The following FAM114A1 variants were observed in gnomAD, a reference collection of about 807,000 sequenced individuals.
The protein encoded by FAM114A1 is protein NOXP20.
FAM114A1 carries 62 observed loss-of-function variants against 64.3 expected under a neutral mutation model. The ratio of observed to expected loss-of-function variants is 0.96; its 90% CI spans 0.79 to 1.19. FAM114A1 has a LOEUF of 1.19. Among genes scored for constraint, FAM114A1 ranks in the 50% most tolerant of loss-of-function variants. The pLI, the probability that FAM114A1 is intolerant of heterozygous loss-of-function variation, is 0.00. For missense variants in FAM114A1, 645 were observed against 676.3 expected (o/e 0.95, Z 0.51); for synonymous variants, 254 against 251.1 (o/e 1.01, Z -0.11).
At chr4:38,871,384 C>T (rs570761595) in intron 2 of FAM114A1, among the ~76,000 whole-genome samples, 7 of 151,516 alleles carry the variant, frequency 4.6e-5, no homozygotes, top group South Asian at 2.1e-4. Context: ...TATGCCTGAC[C>T]GATGACCATT....
chr4:38,920,512 A>G (rs114938620), intron 8 of FAM114A1, among the ~76,000 whole-genome samples: 3,950 of 152,296 alleles, frequency 0.026, 159 homozygotes, highest in African/African-American at 0.089. Context: ...GAGAGATGCT[A>G]TAGTGGAAAG....
rs1018110269 is a variant in FAM114A1, at chr4:38,905,826, A to G, written c.622A>G (p.Met208Val). ...PTSPSSASRGMLSAITNVVQN... is the reference protein window; with the variant it reads ...PTSPSSASRGVLSAITNVVQN... ...TTCCCCTTCATCAGCCTCTCGGGGT[A>G]TGCTGTCTGCCATCACCAATGTGGT... The change falls in exon 6 of 15, where the codon ATG (methionine) becomes GTG (valine). Residue 208 changes from methionine to valine, a missense_variant. Met to Val is a conservative substitution (Grantham distance 21). Coordinates refer to ENST00000358869, the MANE Select transcript of FAM114A1 (RefSeq NM_138389.4). The G allele has an allele frequency of 6.2e-7, 1 of 1,614,062 alleles. No homozygotes were observed. Among genetic ancestry groups the G allele is most frequent in the Non-Finnish European group, 8.5e-7 (1 of 1,179,988 alleles).
At chr4:38,872,741 GA>G (rs1341319397) in intron 2 of FAM114A1, among the ~76,000 whole-genome samples, 1 of 152,218 alleles carries the variant, frequency 6.6e-6, no homozygotes, top group Admixed American at 6.5e-5. Flanking sequence ...AAACCGGCCA[GA>G]TAGTAAATAT....
intron 13 of FAM114A1, among the ~76,000 whole-genome samples, chr4:38,939,791 G>C (rs1721439387): frequency 6.6e-6 from 1 of 151,994 alleles, no homozygotes; most frequent in Admixed American, 6.6e-5. Context: ...TATGGTCTAA[G>C]AGTAGATTGA....
intron 14 of FAM114A1, among the ~76,000 whole-genome samples, chr4:38,942,880 G>A (rs1456826132): frequency 1.8e-5 from 2 of 108,354 alleles, no homozygotes; most frequent in Admixed American, 2.1e-4. Context: ...CATACCCTGG[G>A]CCAAGAAAGT....
In FAM114A1 at chr4:38,932,385, G is replaced by A. The variant is rs747842592; in HGVS notation, c.1463+11G>A. On this transcript the variant is annotated intron_variant, in intron 12 of 14. Transcript: ENST00000358869. ...AAAAGTTCTAATAAAGTAAGTAAAT[G>A]TTACTTTAAATTCTTATTTTCCCAG... The A allele has an allele frequency of 3.3e-5, 53 of 1,584,742 alleles. No homozygotes were observed. Among genetic ancestry groups the A allele is most frequent in the East Asian group, 6.7e-5 (3 of 44,678 alleles).
At position 38,922,761 on chromosome 4, in the gene FAM114A1, T is replaced by C. The variant is rs2109753076; in HGVS notation, c.946-9T>C. 6.2e-7 allele frequency: 1 copy of C among 1,605,798 alleles called. No homozygotes were observed. The highest frequency in any genetic ancestry group is 1.1e-5 in the South Asian group (1 of 89,090). On this transcript the variant is annotated splice_polypyrimidine_tract_variant and intron_variant, in intron 8 of 14. Coordinates refer to ENST00000358869, the MANE Select transcript of FAM114A1 (RefSeq NM_138389.4). ...GATGACAGTCGTGCTGACCTATTTC[T>C]TTTTTCAGGTTCAGTCATTTTTAGC...
At chr4:38,940,892 A>C in intron 13 of FAM114A1, 76 bp from the exon 14 acceptor site, 1 of 1,429,918 alleles carries the variant, frequency 7.0e-7, no homozygotes, top group Non-Finnish European at 9.9e-7. Context: ...CAACAAAGCT[A>C]GTGTATTACA....
At chr4:38,880,097 A>G (rs200073327) in intron 3 of FAM114A1, among the ~76,000 whole-genome samples, 13,275 of 101,790 alleles carry the variant, frequency 0.13, 1,024 homozygotes, top group Non-Finnish European at 0.16. Context: ...ATAAAATAAA[A>G]TAAAATAGAG....
At chr4:38,887,370 A>G (rs1451640116) in intron 3 of FAM114A1, among the ~76,000 whole-genome samples, 1 of 152,234 alleles carries the variant, frequency 6.6e-6, no homozygotes, top group East Asian at 1.9e-4. Context: ...CTTTTTACCA[A>G]GTTACACACG....
chr4:38,932,719 A>G (rs968637040), intron 12 of FAM114A1, among the ~76,000 whole-genome samples: 5 of 151,370 alleles, frequency 3.3e-5, no homozygotes, highest in Admixed American at 2.6e-4. Flanking sequence ...CTGGTCTCAA[A>G]CTCCTGAGCT....
At position 38,915,016 on chromosome 4, in the gene FAM114A1, T is replaced by C. The variant is rs897597616; in HGVS notation, c.888T>C (p.Tyr296=). 6.2e-7 allele frequency: 1 copy of C among 1,614,158 alleles called. No individual in the cohort carries two copies. The highest frequency in any genetic ancestry group is 8.5e-7 in the Non-Finnish European group (1 of 1,180,026). The change falls in exon 8 of 15, where the codon TAT becomes TAC. Residue 296 remains tyrosine (Y), a synonymous_variant. Transcript: ENST00000358869. ...ACTACGGGATGCTGTTTGATGAATA[T>C]CAAGGCTTGTCACACCTGGAAGCCC... ...TAHYGMLFDE[Y]QGLSHLEALE...
At chr4:38,928,812 G>A (rs17429570) in intron 9 of FAM114A1, among the ~76,000 whole-genome samples, 23,217 of 152,230 alleles carry the variant, frequency 0.15, 1,897 homozygotes, top group Admixed American at 0.2. Context: ...TACCATTAGG[G>A]TTGCAATGCT....
chr4:38,872,313 G>A (rs778559146), intron 2 of FAM114A1, among the ~76,000 whole-genome samples: 9 of 152,170 alleles, frequency 5.9e-5, no homozygotes, highest in Non-Finnish European at 1.0e-4. Context: ...CATAGTATAT[G>A]CTGAACTATT....
chr4:38,929,325 C>T lies in FAM114A1; in HGVS notation c.1153C>T (p.Leu385Phe), dbSNP rs759752625. The part of the protein sequence containing the change: ...ELHVAATPDK[L>F]NKAMKRAHDW... ...ACATGTGGCGGCCACACCTGACAAA[C>T]TCAATAAGGTCAGCACTGTCTGATT... Residue 385 changes from leucine to phenylalanine, a missense_variant, in exon 10 of 15, where the codon CTC becomes TTC. Coordinates refer to ENST00000358869, the MANE Select transcript of FAM114A1 (RefSeq NM_138389.4). 2.5e-6 allele frequency: 4 copies of T among 1,611,698 alleles called. No individual in the cohort carries two copies. Among genetic ancestry groups the T allele is most frequent in the Non-Finnish European group, 3.4e-6 (4 of 1,177,996 alleles).
intron 8 of FAM114A1, among the ~76,000 whole-genome samples, chr4:38,919,450 G>A (rs996927732): frequency 2.0e-5 from 3 of 152,210 alleles, no homozygotes; most frequent in Admixed American, 6.5e-5. Context: ...CGTGGGCTGA[G>A]GGATACACAG....
chr4:38,901,790 A>G (rs1006580025), intron 4 of FAM114A1, among the ~76,000 whole-genome samples: 1 of 152,202 alleles, frequency 6.6e-6, no homozygotes, highest in African/African-American at 2.4e-5. Context: ...AGCCCTACAC[A>G]GTGTCTTGAG....
chr4:38,891,907 A>G lies in FAM114A1; in HGVS notation c.436+77A>G. On this transcript the variant is annotated intron_variant, in intron 4 of 14. Coordinates refer to ENST00000358869, the MANE Select transcript of FAM114A1 (RefSeq NM_138389.4). ...ATAGGACGTTTTGATCGTACTGTAT[A>G]CTAATAGAGTTTAACATTAGCCCGT... 9.9e-6 allele frequency: 13 copies of G among 1,307,684 alleles called. 1 individual carries two copies. In the South Asian group the frequency reaches 1.7e-4, roughly 17 times the overall value. 81.0% of individuals were successfully genotyped at this position (1,307,684 alleles called of 1,614,324 possible). A position where few individuals can be genotyped will look rare whatever the true frequency, so the allele number is the denominator to read the frequency against.
Position 38,943,620 on chromosome 4 carries a change from T to A in FAM114A1, c.*63T>A. The A allele has an allele frequency of 7.1e-7, 1 of 1,402,154 alleles. No individual in the cohort carries two copies. Among genetic ancestry groups the A allele is most frequent in the Non-Finnish European group, 1.0e-6 (1 of 990,326 alleles). The allele number at this position is 1,402,154 out of a possible 1,614,324, so 86.9% of individuals were successfully genotyped here. A position where few individuals can be genotyped will look rare whatever the true frequency, so the allele number is the denominator to read the frequency against. On this transcript the variant is annotated 3_prime_UTR_variant, in exon 15 of 15. Coordinates refer to ENST00000358869, the MANE Select transcript of FAM114A1 (RefSeq NM_138389.4). The stretch of plus-strand genomic sequence containing the variant: ...CCGCCTTGCCTCAATATGTACCATT[T>A]AAGGGGATGTTCTCTGTGCGCCTGG...
Sources: allele counts gnomAD v4.1 joint callset (sites outside exome capture counted in the v4.1 genomes callset), GRCh38; gene constraint gnomAD v4.1.1; transcripts MANE v1.5; gene names NCBI Gene and HGNC (gene_info 2026-07-23, HGNC 2026-07-21).